The following RRP12 variants were observed in gnomAD, a reference collection of about 807,000 sequenced individuals.
The protein encoded by RRP12 is ribosomal RNA processing 12 homolog.
RRP12 carries 78 observed loss-of-function variants against 157.3 expected under a neutral mutation model. The ratio of observed to expected loss-of-function variants is 0.50; its 90% confidence interval spans 0.41 to 0.60. RRP12 has a LOEUF of 0.60. Among genes scored for constraint, RRP12 ranks in the 20% least tolerant of loss-of-function variants. RRP12 has a pLI of 0.00. For synonymous variants in RRP12, 726 were observed against 670.9 expected, an observed-to-expected ratio of 1.08 and a Z score of -1.27; for missense variants, 1,521 against 1,679.9, an observed-to-expected ratio of 0.91 and a Z score of 1.65.
Position 97,360,554 on chromosome 10 carries a change from T to C in RRP12, c.3632A>G (p.Gln1211Arg), listed in dbSNP as rs749586411. The change falls in exon 31 of 34, where the codon CAG becomes CGG. Residue 1211 changes from glutamine to arginine, a missense_variant. Coordinates refer to ENST00000370992, the MANE Select transcript of RRP12 (RefSeq NM_015179.4). The part of the protein sequence containing the change: ...AEEEELEIPP[Q>R]YQAGGSGIHR... ...AGGAGTGGAAGCCTCACCTTGGTAC[T>C]GAGGGGGTATCTCCAGCTCCTCCTC... 3.7e-6 allele frequency: 6 copies of C among 1,613,050 alleles called. No homozygotes were observed. The highest frequency in any genetic ancestry group is 5.1e-6 in the Non-Finnish European group (6 of 1,179,148).
intron 9 of RRP12, 127 bp from the exon 10 acceptor site, chr10:97,385,384 C>T: frequency 1.4e-6 from 1 of 724,846 alleles, no homozygotes. Flanking sequence ...CACTCACAGC[C>T]CCCTTGGCTT....
At chr10:97,373,348 GC>G in intron 17 of RRP12, 148 bp from the exon 18 acceptor site, 3 of 1,018,706 alleles carry the variant, frequency 2.9e-6, no homozygotes, top group Non-Finnish European at 4.2e-6. Context: ...CAGAAGCTGA[GC>G]CAGGGCATGG....
At chr10:97,362,153 C>T (rs1404275435) in intron 30 of RRP12, among the ~76,000 whole-genome samples, 1 of 150,942 alleles carries the variant, frequency 6.6e-6, no homozygotes. Flanking sequence ...ATGCAAGAAA[C>T]CCTCTGGGGG....
At chr10:97,368,030 C>CTTTT (rs34307529) in intron 25 of RRP12, among the ~76,000 whole-genome samples, 3 of 119,210 alleles carry the variant, frequency 2.5e-5, no homozygotes, top group African/African-American at 6.7e-5. Context: ...CTGTGCCTGG[C>CTTTT]TTTTTTTTTT....
Position 97,366,601 on chromosome 10 carries a change from T to G in RRP12, c.3236A>C (p.Asp1079Ala). The change falls in exon 28 of 34, where the codon GAC (aspartate) becomes GCC (alanine). Residue 1079 changes from aspartate (D) to alanine (A), a missense_variant. Coordinates refer to ENST00000370992, the MANE Select transcript of RRP12 (RefSeq NM_015179.4). ...KGDSIEEILADSEDEEDNEEE... is the reference protein window; with the variant it reads ...KGDSIEEILAASEDEEDNEEE... Reference sequence around the variant, plus strand: ...CTCATTGTCCTCCTCGTCCTCTGAGTCAGCTAAAATCTCCTCAATGCTAAG... The same window carrying G: ...CTCATTGTCCTCCTCGTCCTCTGAGGCAGCTAAAATCTCCTCAATGCTAAG... The G allele has an allele frequency of 3.7e-6, 6 of 1,613,332 alleles. No individual in the cohort carries two copies. The highest frequency in any genetic ancestry group is 5.1e-6 in the Non-Finnish European group (6 of 1,179,622).
At chr10:97,365,782 A>AT in intron 29 of RRP12, 2 of 246,992 alleles carry the variant, frequency 8.1e-6, no homozygotes, top group Non-Finnish European at 1.6e-5. Context: ...AAAAAAAAAA[A>AT]GAGGAAGGAA....
At position 97,388,703 on chromosome 10, in the gene RRP12, C is replaced by G; in HGVS notation, c.754-79G>C. The G allele has an allele frequency of 1.9e-6, 3 of 1,549,498 alleles. No homozygotes were observed. The South Asian group carries it at 3.5e-5, about 18-fold the overall frequency. On this transcript the variant is annotated intron_variant, in intron 6 of 33. Transcript: ENST00000370992. Reference sequence around the variant, plus strand: ...TTGGGTGTCCGGCACAAGCACCAACCAATTAGCTTTGGCTGAAATATAGAT... The same window carrying G: ...TTGGGTGTCCGGCACAAGCACCAACGAATTAGCTTTGGCTGAAATATAGAT...
chr10:97,385,148 C>A lies in RRP12; in HGVS notation c.1208+18G>T. On this transcript the variant is annotated intron_variant, in intron 10 of 33. Transcript: ENST00000370992. ...ACAGCCTGGACAGAGGCCCTAAGCA[C>A]CCCTCCTTCATCCGTACCTCACCAG... is the stretch of plus-strand genomic sequence containing the variant. 1 of 1,592,564 alleles carries A rather than the reference C, an allele frequency of 6.3e-7. No homozygotes were observed. The highest frequency in any genetic ancestry group is 8.6e-7 in the Non-Finnish European group (1 of 1,161,534).
intron 18 of RRP12, 54 bp downstream of exon 18, chr10:97,372,992 C>T: frequency 6.4e-7 from 1 of 1,550,802 alleles, no homozygotes; most frequent in Non-Finnish European, 8.8e-7. Context: ...CCTCTCTGAC[C>T]CTGCCCACCT....
chr10:97,389,252 C>T (rs141445387), intron 6 of RRP12, among the ~76,000 whole-genome samples: 57,410 of 151,392 alleles, frequency 0.38, 11,300 homozygotes, highest in African/African-American at 0.49. Flanking sequence ...CGCCACCACA[C>T]CCGGCTAATT....
rs1843982323 is a variant in RRP12, at chr10:97,366,446, C to T, written c.3391G>A (p.Ala1131Thr). The T allele has an allele frequency of 6.2e-7, 1 of 1,609,624 alleles. No individual in the cohort carries two copies. The highest frequency in any genetic ancestry group is 1.3e-5 in the African/African-American group (1 of 74,924). The part of the protein sequence containing the change: ...LDPKVAQRVL[A>T]TQPGPGRGRK... ...GTGCACTGGCCAGCCCTGTGCTTAC[C>T]CAGGACTCGTTGGGCCACCTTGGGA... The change falls in exon 28 of 34, where the codon GCC becomes ACC. Residue 1131 changes from alanine (A) to threonine (T), a missense_variant and splice_region_variant. Physicochemically the swap from Ala to Thr is moderately conservative, Grantham distance 58. Transcript: ENST00000370992.
At position 97,372,771 on chromosome 10, in the gene RRP12, C is replaced by T. The variant is rs376799446; in HGVS notation, c.2214G>A (p.Glu738=). Reference sequence around the variant, plus strand: ...CAGAGCTGGCAGGGTCGAGCACCTTCTCACTGGCTTTTTCCAGGAGACTGT... The same window carrying T: ...CAGAGCTGGCAGGGTCGAGCACCTTTTCACTGGCTTTTTCCAGGAGACTGT... ...LVNSLLEKAS[E]KVLDPASSDF... is the part of the protein sequence containing the mutation. The change falls in exon 19 of 34, where the codon GAG becomes GAA. Residue 738 remains glutamate (E), a synonymous_variant. Coordinates refer to ENST00000370992, the MANE Select transcript of RRP12 (RefSeq NM_015179.4). The T allele has an allele frequency of 2.7e-4, 418 of 1,563,892 alleles. No individual in the cohort carries two copies. Among genetic ancestry groups the T allele is most frequent in the South Asian group, 1.1e-3 (90 of 84,982 alleles).
At chr10:97,369,914 C>G (rs1054086837) in intron 24 of RRP12, among the ~76,000 whole-genome samples, 6 of 152,222 alleles carry the variant, frequency 3.9e-5, no homozygotes, top group Non-Finnish European at 8.8e-5. Flanking sequence ...ACCACTCTGA[C>G]AATGGGATGC....
intron 1 of RRP12, 118 bp downstream of exon 1, chr10:97,400,975 C>T: frequency 1.6e-6 from 2 of 1,282,866 alleles, no homozygotes; most frequent in Non-Finnish European, 2.1e-6. Flanking sequence ...ATCCGACATC[C>T]TAAGAGACGA....
intron 7 of RRP12, 33 bp downstream of exon 7, chr10:97,388,456 C>T (rs761804233): frequency 1.2e-6 from 2 of 1,613,126 alleles, no homozygotes; most frequent in South Asian, 1.1e-5. Flanking sequence ...GCCACTGCCT[C>T]CCATCCACCT....
At position 97,370,954 on chromosome 10, in the gene RRP12, G is replaced by A. The variant is rs765610082; in HGVS notation, c.2471C>T (p.Ser824Leu). Residue 824 changes from serine (S) to leucine (L), a missense_variant, in exon 21 of 34, where the codon TCG (serine) becomes TTG (leucine). Coordinates refer to ENST00000370992, the MANE Select transcript of RRP12 (RefSeq NM_015179.4). ...GGCGGGTGAGGAGGTGCTCCGCAGC[G>A]AGTCCAGCAGTGTCTTCTTCAGGTC... ...LEDLKKTLLD[S>L]LRSTSSPAKR... 3.0e-5 allele frequency: 49 copies of A among 1,614,026 alleles called. No individual in the cohort carries two copies. Among genetic ancestry groups the A allele is most frequent in the Admixed American group, 1.2e-4 (7 of 60,016 alleles).
chr10:97,394,954 GC>G (rs1216638012), intron 3 of RRP12, among the ~76,000 whole-genome samples: 2 of 151,702 alleles, frequency 1.3e-5, no homozygotes, highest in African/African-American at 4.8e-5. Flanking sequence ...ACAAGCTTGG[GC>G]GACATGACGA....
At chr10:97,400,996 G>A (rs1443540785) in intron 1 of RRP12, 97 bp downstream of exon 1, 2 of 1,429,696 alleles carry the variant, frequency 1.4e-6, no homozygotes, top group South Asian at 1.3e-5. Flanking sequence ...AAGGTCCAAT[G>A]CCTGGCCCCG....
Position 97,385,928 on chromosome 10 carries a change from G to A in RRP12, c.1083C>T (p.Thr361=), listed in dbSNP as rs572432332. 1.1e-5 allele frequency: 18 copies of A among 1,607,460 alleles called. No homozygotes were observed. The South Asian group carries it at 1.8e-4, about 16-fold the overall frequency. Residue 361 remains threonine (T), a synonymous_variant, in exon 9 of 34, where the codon ACC becomes ACT. Coordinates refer to ENST00000370992, the MANE Select transcript of RRP12 (RefSeq NM_015179.4). ...TCTGGGCGTTGAGCTCTGCTGACAG[G>A]GTGCTCAGGCCAGGCCTGGCGTGGA... ...SLFHARPGLS[T]LSAELNAQII...
Sources: allele counts gnomAD v4.1 joint callset (sites outside exome capture counted in the v4.1 genomes callset), GRCh38; gene constraint gnomAD v4.1.1; transcripts MANE v1.5; gene names NCBI Gene and HGNC (gene_info 2026-07-23, HGNC 2026-07-21).